ADCY9: variants seen among roughly 807,000 people sequenced by gnomAD.
ADCY9 encodes the protein adenylate cyclase type 9.
A neutral mutation model predicts 101.5 loss-of-function variants in ADCY9; 50 were observed. The ratio of observed to expected loss-of-function variants is 0.49; its 90% CI spans 0.39 to 0.62. The LOEUF is 0.62. Ranked by LOEUF, ADCY9 falls within the 20% of genes least tolerant of loss-of-function variation. ADCY9 has a pLI of 0.00. For synonymous variants in ADCY9, 905 were observed against 769.3 expected (o/e 1.18, Z -2.92); for missense variants, 1,662 against 1,800.4 (o/e 0.92, Z 1.39).
chr16:3,988,226 T>C (rs1195409240), intron 6 of ADCY9, among the ~76,000 whole-genome samples: 1 of 151,242 alleles, frequency 6.6e-6, no homozygotes, highest in Non-Finnish European at 1.5e-5. Context: ...GAAGTGGGAT[T>C]GGGTGATGGG....
Position 4,058,171 on chromosome 16 carries a change from A to G in ADCY9, c.1694-50613T>C, listed in dbSNP as rs973883710. ...GAGACTCTGTCTAAAAAAAAAAAAA[A>G]AGAGAGTTGAGGCTGGGCGCAGTGG... On this transcript the variant is annotated intron_variant, in intron 2 of 10. Transcript: ENST00000294016. Among the ~76,000 whole-genome samples, 42 of 147,874 alleles carry G rather than the reference A, an allele frequency of 2.8e-4. 1 individual carries two copies. In the East Asian group the frequency reaches 3.1e-3, roughly 11 times the overall value.
intron 3 of ADCY9, among the ~76,000 whole-genome samples, chr16:4,000,967 C>A (rs961540881): frequency 7.2e-5 from 2 of 27,952 alleles, no homozygotes; most frequent in Non-Finnish European, 1.7e-4. Context: ...ATCCCTCTCT[C>A]TACACACACA....
chr16:4,000,968 T>TACACACAC (rs141254290), intron 3 of ADCY9, among the ~76,000 whole-genome samples: 10,123 of 125,168 alleles, frequency 0.081, 532 homozygotes, highest in East Asian at 0.23. Flanking sequence ...TCCCTCTCTC[T>TACACACAC]ACACACACAC....
At chr16:4,001,655 C>T (rs2056331538) in intron 3 of ADCY9, among the ~76,000 whole-genome samples, 1 of 152,100 alleles carries the variant, frequency 6.6e-6, no homozygotes, top group Non-Finnish European at 1.5e-5. Flanking sequence ...CTCAAGCGAT[C>T]CTCCCACCTC....
In ADCY9 at chr16:4,082,583, T is replaced by C. The variant is rs917978238; in HGVS notation, c.1693+31167A>G. Among the ~76,000 whole-genome samples, 48 of 151,332 alleles carry C rather than the reference T, an allele frequency of 3.2e-4. 1 individual carries two copies. The highest frequency in any genetic ancestry group is 1.1e-3 in the African/African-American group (46 of 41,184). The stretch of plus-strand genomic sequence containing the variant: ...GCACACACGCACACACACACATGCA[T>C]GCATGCACACAGGCACACCCATGCA... On this transcript the variant is annotated intron_variant, in intron 2 of 10. Coordinates refer to ENST00000294016, the MANE Select transcript of ADCY9 (RefSeq NM_001116.4).
intron 2 of ADCY9, among the ~76,000 whole-genome samples, chr16:4,050,923 A>G (rs1346204784): frequency 2.6e-5 from 4 of 152,094 alleles, no homozygotes; most frequent in Non-Finnish European, 4.4e-5. Context: ...ACCAAGAACT[A>G]AACATGTGGC....
chr16:4,064,905 A>G (rs1257230556), intron 2 of ADCY9, among the ~76,000 whole-genome samples: 1 of 152,146 alleles, frequency 6.6e-6, no homozygotes, highest in African/African-American at 2.4e-5. Flanking sequence ...TCATTTCCCT[A>G]CAGGCTGATC....
At position 3,963,028 on chromosome 16, in the gene ADCY9, T is replaced by C. The variant is rs2055950286; in HGVS notation, c.*2747A>G. 6.4e-6 allele frequency: 1 copy of C among 155,580 alleles called. No individual in the cohort carries two copies. The allele number at this position is 155,580 out of a possible 1,614,324, so 9.6% of individuals were successfully genotyped here. ...GGCAGAGCCTGTGGGGCTCTCAAGCTATTCGAGGGTTTTGTAACTGATGCT... is the reference window on the plus strand; with the variant it reads ...GGCAGAGCCTGTGGGGCTCTCAAGCCATTCGAGGGTTTTGTAACTGATGCT... On this transcript the variant is annotated 3_prime_UTR_variant, in exon 11 of 11. Coordinates refer to ENST00000294016, the MANE Select transcript of ADCY9 (RefSeq NM_001116.4).
chr16:4,069,099 A>T (rs1163081171), intron 2 of ADCY9, among the ~76,000 whole-genome samples: 1 of 152,220 alleles, frequency 6.6e-6, no homozygotes, highest in Non-Finnish European at 1.5e-5. Context: ...TTCTGAAGAT[A>T]TGCAAAATGT....
At chr16:3,998,886 C>T (rs1332209347) in intron 3 of ADCY9, among the ~76,000 whole-genome samples, 3 of 151,986 alleles carry the variant, frequency 2.0e-5, no homozygotes, top group African/African-American at 7.3e-5. Flanking sequence ...CCTTCTGTAC[C>T]AGGAGGGTCC....
chr16:3,998,962 A>G (rs1319400648), intron 3 of ADCY9, among the ~76,000 whole-genome samples: 1 of 151,366 alleles, frequency 6.6e-6, no homozygotes, highest in African/African-American at 2.4e-5. Context: ...CCCCATGGCA[A>G]TTTTCCTTGA....
At chr16:4,032,089 G>C (rs1400921240) in intron 2 of ADCY9, 2 of 151,810 alleles carry the variant, frequency 1.3e-5, no homozygotes, top group Non-Finnish European at 2.9e-5. Context: ...AGGAGTTCGA[G>C]ACCAGCCTGG....
intron 2 of ADCY9, among the ~76,000 whole-genome samples, chr16:4,090,557 C>T (rs184623080): frequency 3.1e-4 from 47 of 152,140 alleles, no homozygotes; most frequent in East Asian, 3.9e-4. Flanking sequence ...CCCTGTGCTC[C>T]GAAGCCAGCC....
At chr16:4,003,587 C>T (rs1372184739) in intron 3 of ADCY9, among the ~76,000 whole-genome samples, 3 of 132,060 alleles carry the variant, frequency 2.3e-5, no homozygotes, top group East Asian at 4.5e-4. Context: ...TTTTTTGAGA[C>T]AGTGTCTCAT....
intron 2 of ADCY9, among the ~76,000 whole-genome samples, chr16:4,017,317 T>C (rs1303014933): frequency 6.7e-6 from 1 of 150,126 alleles, no homozygotes; most frequent in Non-Finnish European, 1.5e-5. Flanking sequence ...GAGTGAGCAG[T>C]AGCAGGTAAA....
chr16:3,983,161 G>A, intron 7 of ADCY9, 71 bp downstream of exon 7: 1 of 1,408,260 alleles, frequency 7.1e-7, no homozygotes, highest in Non-Finnish European at 9.5e-7. Context: ...CAACCGCTCA[G>A]CCATAAGCCA....
chr16:3,997,145 G>A (rs184837633), intron 3 of ADCY9, among the ~76,000 whole-genome samples: 6 of 152,196 alleles, frequency 3.9e-5, no homozygotes, highest in African/African-American at 7.2e-5. Context: ...GATTACAGGC[G>A]TGAGCCACCG....
At chr16:4,046,729 C>T (rs541802981) in intron 2 of ADCY9, among the ~76,000 whole-genome samples, 1 of 152,276 alleles carries the variant, frequency 6.6e-6, no homozygotes, top group East Asian at 1.9e-4. Flanking sequence ...ACAGACCTCA[C>T]ATATCGAGGT....
chr16:4,046,933 T>C (rs1413607852), intron 2 of ADCY9, among the ~76,000 whole-genome samples: 1 of 152,026 alleles, frequency 6.6e-6, no homozygotes, highest in African/African-American at 2.4e-5. Context: ...CTGACTGAGC[T>C]CTGGAGGTCG....
Sources: gnomAD v4.1 joint callset for allele counts (sites outside exome capture counted in the v4.1 genomes callset) on GRCh38, gnomAD v4.1.1 for gene constraint, MANE v1.5 for transcripts, NCBI Gene and HGNC (gene_info 2026-07-23, HGNC 2026-07-21) for gene names.